The following TMC1 variants were observed in gnomAD, a reference collection of about 807,000 sequenced individuals.
TMC1 encodes transmembrane channel like 1.
Under a neutral mutation model 105.8 loss-of-function variants are expected in TMC1, and 84 were observed. The ratio of observed to expected loss-of-function variants is 0.79; its 90% CI spans 0.67 to 0.95. The LOEUF is 0.95. Ranked by LOEUF, TMC1 falls within the 40% of genes least tolerant of loss-of-function variation. The pLI is 0.00. For synonymous variants in TMC1, 315 were observed against 311.5 expected, an observed-to-expected ratio of 1.01 and a Z score of -0.12; for missense variants, 817 against 914.1, an observed-to-expected ratio of 0.89 and a Z score of 1.37.
At chr9:72,703,059 AT>A (rs1284458462) in intron 8 of TMC1, among the ~76,000 whole-genome samples, 1 of 151,824 alleles carries the variant, frequency 6.6e-6, no homozygotes, top group Non-Finnish European at 1.5e-5. Flanking sequence ...ACAATACAAA[AT>A]TCACCATTTT....
At chr9:72,535,937 T>C (rs1233449423) in intron 1 of TMC1, among the ~76,000 whole-genome samples, 3 of 152,182 alleles carry the variant, frequency 2.0e-5, no homozygotes, top group Non-Finnish European at 4.4e-5. Flanking sequence ...TTCTCCCCCA[T>C]GACCAAAATA....
intron 2 of TMC1, among the ~76,000 whole-genome samples, chr9:72,598,105 A>G (rs567657567): frequency 4.8e-4 from 73 of 152,336 alleles, no homozygotes; most frequent in African/African-American, 1.7e-3. Flanking sequence ...ACAAAACACA[A>G]AAGACAATCT....
intron 11 of TMC1, among the ~76,000 whole-genome samples, chr9:72,752,272 A>T (rs922610007): frequency 4.6e-5 from 7 of 152,184 alleles, no homozygotes; most frequent in Non-Finnish European, 8.8e-5. Context: ...AAATGTTAAA[A>T]ACTATTGTTC....
chr9:72,535,780 T>G (rs1244477877), intron 1 of TMC1, among the ~76,000 whole-genome samples: 4 of 152,288 alleles, frequency 2.6e-5, no homozygotes, highest in African/African-American at 9.6e-5. Flanking sequence ...GGAGCCTTCA[T>G]GTGTGGAAAT....
chr9:72,792,081 G>A lies in TMC1; in HGVS notation c.1404+16G>A, dbSNP rs189532643. 713 of 1,613,842 alleles carry A rather than the reference G, an allele frequency of 4.4e-4. 1 individual carries two copies. In the African/African-American group the frequency reaches 8.2e-3, roughly 19 times the overall value. ...TAACAACAAGGTAAGCCTTGTTTCT[G>A]GATTGTCCTTGCCATAAGAGTGTTG... On this transcript the variant is annotated intron_variant, in intron 16 of 23. Coordinates refer to ENST00000297784, the MANE Select transcript of TMC1 (RefSeq NM_138691.3).
At chr9:72,769,408 C>T (rs1294404784) in intron 12 of TMC1, among the ~76,000 whole-genome samples, 2 of 152,314 alleles carry the variant, frequency 1.3e-5, no homozygotes, top group African/African-American at 4.8e-5. Flanking sequence ...TCTTTATGGA[C>T]AAGTGAACTT....
chr9:72,767,848 A>T (rs144602679), intron 12 of TMC1, among the ~76,000 whole-genome samples: 2 of 152,266 alleles, frequency 1.3e-5, no homozygotes, highest in Non-Finnish European at 2.9e-5. Flanking sequence ...GCTAGGAGTC[A>T]TTGCTATTTT....
chr9:72,774,950 A>G (rs1467769809), intron 13 of TMC1, among the ~76,000 whole-genome samples: 2 of 152,222 alleles, frequency 1.3e-5, no homozygotes, highest in Admixed American at 1.3e-4. Context: ...CGACTAGGCT[A>G]CATCAAGATT....
At chr9:72,782,376 A>G (rs1564550195) in intron 13 of TMC1, among the ~76,000 whole-genome samples, 3 of 152,212 alleles carry the variant, frequency 2.0e-5, no homozygotes, top group Admixed American at 1.3e-4. Flanking sequence ...AAAAGCTGGA[A>G]GCATTATCCT....
chr9:72,702,052 A>T (rs1162741452), intron 8 of TMC1, among the ~76,000 whole-genome samples: 1 of 152,212 alleles, frequency 6.6e-6, no homozygotes, highest in East Asian at 1.9e-4. Context: ...TAATGATGCT[A>T]AATTATAGGT....
intron 5 of TMC1, among the ~76,000 whole-genome samples, chr9:72,667,566 A>T (rs1486005338): frequency 6.6e-6 from 1 of 152,260 alleles, no homozygotes; most frequent in African/African-American, 2.4e-5. Context: ...CAACAAACAC[A>T]TAAATACAAT....
At chr9:72,528,484 G>A (rs781206239) in intron 1 of TMC1, among the ~76,000 whole-genome samples, 4 of 151,978 alleles carry the variant, frequency 2.6e-5, no homozygotes, top group Non-Finnish European at 5.9e-5. Context: ...ATAGGCATGC[G>A]CCACCATGCC....
intron 5 of TMC1, chr9:72,655,834 A>G: frequency 1.4e-6 from 1 of 726,056 alleles, no homozygotes; most frequent in Non-Finnish European, 2.5e-6. Context: ...TAGTTGACTT[A>G]TACGTCTACA....
intron 1 of TMC1, among the ~76,000 whole-genome samples, chr9:72,545,379 C>A (rs1314407615): frequency 6.6e-6 from 1 of 151,478 alleles, no homozygotes; most frequent in Non-Finnish European, 1.5e-5. Flanking sequence ...TAATGTATAA[C>A]AATATTATAG....
intron 18 of TMC1, among the ~76,000 whole-genome samples, chr9:72,806,189 C>T (rs1828576126): frequency 1.5e-5 from 2 of 131,224 alleles, no homozygotes; most frequent in African/African-American, 5.1e-5. Flanking sequence ...CCCCCACCTC[C>T]CCTCCCGGAC....
In TMC1 at chr9:72,545,127, GAT is replaced by G. The variant is rs71493657; in HGVS notation, c.-428+23224_-428+23225del. Among the ~76,000 whole-genome samples, 262 of 141,674 alleles carry G rather than the reference GAT, an allele frequency of 1.8e-3. 3 individuals are homozygous for G. The highest frequency in any genetic ancestry group is 6.2e-3 in the African/African-American group (232 of 37,384). 92.9% of individuals were successfully genotyped at this position (141,674 alleles called of 152,430 possible). A position where few individuals can be genotyped will look rare whatever the true frequency, so the allele number is the denominator to read the frequency against. ...TTTTTATGGCTGAGTAGTATTTCAT[GAT>G]ATATATATACACACACACACACACA... On this transcript the variant is annotated intron_variant, in intron 1 of 23. Coordinates refer to ENST00000297784, the MANE Select transcript of TMC1 (RefSeq NM_138691.3).
intron 17 of TMC1, among the ~76,000 whole-genome samples, chr9:72,796,149 T>A (rs2118208689): frequency 6.6e-6 from 1 of 152,212 alleles, no homozygotes; most frequent in East Asian, 1.9e-4. Flanking sequence ...AAGACCTAAC[T>A]ATCCTAAATA....
chr9:72,712,089 C>T (rs1160890672), intron 8 of TMC1, among the ~76,000 whole-genome samples: 3 of 151,972 alleles, frequency 2.0e-5, no homozygotes, highest in African/African-American at 4.8e-5. Context: ...AGATGTATGG[C>T]GTTATTTCTG....
chr9:72,644,232 C>T (rs530159313), intron 4 of TMC1, among the ~76,000 whole-genome samples: 1 of 151,902 alleles, frequency 6.6e-6, no homozygotes, highest in South Asian at 2.1e-4. Flanking sequence ...TCTTTTCATT[C>T]TCCTAGCAGT....
Sources: gnomAD v4.1 joint callset for allele counts (sites outside exome capture counted in the v4.1 genomes callset) on GRCh38, gnomAD v4.1.1 for gene constraint, MANE v1.5 for transcripts, NCBI Gene and HGNC (gene_info 2026-07-23, HGNC 2026-07-21) for gene names.